The following MYH15 variants were observed in gnomAD, a reference collection of about 807,000 sequenced individuals.
The protein encoded by MYH15 is myosin heavy chain 15.
Under a neutral mutation model 240.5 loss-of-function variants are expected in MYH15, and 227 were observed. That is an observed-to-expected ratio of 0.94 (90% confidence interval 0.85 to 1.05). MYH15 has a LOEUF of 1.05. Among genes scored for constraint, MYH15 ranks in the 50% least tolerant of loss-of-function variants. The pLI, the probability that MYH15 is intolerant of heterozygous loss-of-function variation, is 0.00. For synonymous variants in MYH15, 785 were observed against 796.7 expected (o/e 0.99, Z 0.25); for missense variants, 2,217 against 2,247.5 (o/e 0.99, Z 0.27).
chr3:108,433,398 T>C (rs937127702), intron 25 of MYH15, among the ~76,000 whole-genome samples: 1 of 152,178 alleles, frequency 6.6e-6, no homozygotes, highest in Admixed American at 6.5e-5. Flanking sequence ...AGACTTTGGA[T>C]TGTGGACTTT....
chr3:108,396,924 C>A (rs2082466055), intron 35 of MYH15, among the ~76,000 whole-genome samples: 1 of 152,108 alleles, frequency 6.6e-6, no homozygotes, highest in African/African-American at 2.4e-5. Flanking sequence ...AGGGGCAGTT[C>A]CTTGGGATTA....
chr3:108,388,984 C>A lies in MYH15; in HGVS notation c.5521G>T (p.Glu1841Ter). ...TCCTGGAGTACCTGATAGGTCAGCT[C>A]TTTGATGCATCGCTCAAGTCTGCGG... ...GARRLERCIK[E>*]LTYQAEEDKK... is the part of the protein sequence containing the mutation. Residue 1841 changes from glutamate (E) to a stop codon, truncating the protein, a stop_gained, in exon 38 of 41, where the codon GAG becomes TAG. Transcript: ENST00000693548. LOFTEE classifies it high-confidence loss of function. The A allele has an allele frequency of 1.2e-6, 2 of 1,613,672 alleles. No individual in the cohort carries two copies. The highest frequency in any genetic ancestry group is 1.7e-6 in the Non-Finnish European group (2 of 1,179,758).
chr3:108,505,599 A>G (rs2083469932), intron 2 of MYH15, 124 bp downstream of exon 2: 1 of 462,422 alleles, frequency 2.2e-6, no homozygotes, highest in East Asian at 3.8e-5. Flanking sequence ...AAAATGAATG[A>G]CTCCGAAGTG....
chr3:108,456,542 T>C (rs900884072), intron 19 of MYH15, among the ~76,000 whole-genome samples: 1 of 152,208 alleles, frequency 6.6e-6, no homozygotes, highest in Non-Finnish European at 1.5e-5. Flanking sequence ...GGGTCTATTA[T>C]CTTTGTTAAT....
At chr3:108,494,411 CA>C (rs2083376690) in intron 7 of MYH15, among the ~76,000 whole-genome samples, 1 of 151,610 alleles carries the variant, frequency 6.6e-6, no homozygotes, top group South Asian at 2.1e-4. Flanking sequence ...TCTTTCCTTC[CA>C]TTTATCCATC....
intron 14 of MYH15, among the ~76,000 whole-genome samples, chr3:108,466,391 T>TA (rs1352679750): frequency 6.6e-6 from 1 of 152,190 alleles, no homozygotes; most frequent in Non-Finnish European, 1.5e-5. Context: ...AAACTATTTA[T>TA]AAAAAATGCT....
At chr3:108,451,989 CA>C (rs5851594) in intron 21 of MYH15, among the ~76,000 whole-genome samples, 4 of 139,244 alleles carry the variant, frequency 2.9e-5, no homozygotes, top group African/African-American at 5.3e-5. Context: ...GTCATTTCTA[CA>C]AAAAAAAAAA....
intron 1 of MYH15, among the ~76,000 whole-genome samples, chr3:108,507,785 G>T (rs904620596): frequency 1.1e-4 from 17 of 152,016 alleles, no homozygotes; most frequent in African/African-American, 3.9e-4. Context: ...TTAAATACTG[G>T]CTTTGCATTG....
Position 108,439,919 on chromosome 3 carries a change from GGAA to G in MYH15, c.2899-9_2899-7del, listed in dbSNP as rs1479579691. 1.3e-6 allele frequency: 2 copies of G among 1,563,632 alleles called. No homozygotes were observed. Among genetic ancestry groups the G allele is most frequent in the African/African-American group, 1.4e-5 (1 of 73,428 alleles). Reference sequence around the variant, plus strand: ...TCCTCAGTCAAGTTCTTGACCTGTGGGAAGAAGATGACAGCTTCATTAAAGCCA... The same window carrying G: ...TCCTCAGTCAAGTTCTTGACCTGTGGGAAGATGACAGCTTCATTAAAGCCA... On this transcript the variant is annotated splice_polypyrimidine_tract_variant and splice_region_variant and intron_variant, in intron 23 of 40. Transcript: ENST00000693548.
chr3:108,399,032 CA>C (rs1369130950), intron 34 of MYH15, 42 bp downstream of exon 34: 1 of 1,581,556 alleles, frequency 6.3e-7, no homozygotes, highest in Non-Finnish European at 8.6e-7. Flanking sequence ...TAAGCAGAAA[CA>C]TTTTCCACCC....
chr3:108,474,800 G>A (rs532762169), intron 12 of MYH15, among the ~76,000 whole-genome samples: 9 of 152,280 alleles, frequency 5.9e-5, no homozygotes, highest in Non-Finnish European at 1.2e-4. Context: ...AAATAGCTCA[G>A]TTATGTGTCC....
intron 27 of MYH15, among the ~76,000 whole-genome samples, chr3:108,426,283 T>C (rs2082724515): frequency 6.7e-6 from 1 of 149,688 alleles, no homozygotes; most frequent in Non-Finnish European, 1.5e-5. Flanking sequence ...AGAAGACAGG[T>C]GCTATTCATC....
chr3:108,469,837 AGAT>A (rs1402999456), intron 14 of MYH15, among the ~76,000 whole-genome samples: 2 of 152,256 alleles, frequency 1.3e-5, no homozygotes, highest in African/African-American at 4.8e-5. Context: ...CCTGCATTAG[AGAT>A]GATGGAGTGG....
chr3:108,464,609 T>G (rs201499982), intron 15 of MYH15, 29 bp downstream of exon 15: 165 of 1,565,970 alleles, frequency 1.1e-4, no homozygotes, highest in Middle Eastern at 3.4e-4. Context: ...TCAGGAAAAT[T>G]CAAGACCGGG....
chr3:108,414,406 G>T lies in MYH15; in HGVS notation c.3971C>A (p.Ala1324Asp). 6.2e-7 allele frequency: 1 copy of T among 1,613,996 alleles called. No homozygotes were observed. Among genetic ancestry groups the T allele is most frequent in the Non-Finnish European group, 8.5e-7 (1 of 1,179,976 alleles). Residue 1324 changes from alanine (A) to aspartate (D), a missense_variant, in exon 30 of 41, where the codon GCC (alanine) becomes GAC (aspartate). By Grantham distance (126) the Ala-to-Asp change is moderately radical (BLOSUM62 -2). Coordinates refer to ENST00000693548, the MANE Select transcript of MYH15 (RefSeq NM_014981.3). ...ETKSQSALAHALQKAQRDCDL... is the reference protein window; with the variant it reads ...ETKSQSALAHDLQKAQRDCDL... ...ACAGTCACGCTGAGCCTTCTGCAGG[G>T]CATGGGCCAGGGCACTCTGGGACTG...
rs59862220 is a variant in MYH15 at position 108,458,753 on chromosome 3, T to TA, written c.2020+608dup. ...CCCTTGTTTGGGGAATTGAAAACAT[T>TA]AAAAAAAAAAATCACTACCATCCAC... On this transcript the variant is annotated intron_variant, in intron 18 of 40. Coordinates refer to ENST00000693548, the MANE Select transcript of MYH15 (RefSeq NM_014981.3). Among the ~76,000 whole-genome samples the TA allele has an allele frequency of 8.1e-3, 1,192 of 146,576 alleles. 18 individuals are homozygous for TA. Among genetic ancestry groups the TA allele is most frequent in the African/African-American group, 0.028 (1,103 of 40,096 alleles).
chr3:108,533,231 T>C (rs532983030), upstream of MYH15, among the ~76,000 whole-genome samples: 1 of 146,344 alleles, frequency 6.8e-6, no homozygotes. Flanking sequence ...CAGAATGCAG[T>C]AGAAAGAAGT....
At chr3:108,406,008 C>T (rs1402624242) in intron 32 of MYH15, among the ~76,000 whole-genome samples, 1 of 152,148 alleles carries the variant, frequency 6.6e-6, no homozygotes, top group African/African-American at 2.4e-5. Context: ...CCATTAACAC[C>T]ATAATTGGTA....
chr3:108,454,953 A>T (rs2083006814), intron 20 of MYH15, among the ~76,000 whole-genome samples: 1 of 152,282 alleles, frequency 6.6e-6, no homozygotes, highest in East Asian at 1.9e-4. Flanking sequence ...ATAACTAAAC[A>T]CACAAGGAAG....
Sources: allele counts gnomAD v4.1 joint callset (sites outside exome capture counted in the v4.1 genomes callset), GRCh38; gene constraint gnomAD v4.1.1; transcripts MANE v1.5; gene names NCBI Gene and HGNC (gene_info 2026-07-23, HGNC 2026-07-21).